The following SPECC1 variants were observed in gnomAD, a reference collection of about 807,000 sequenced individuals.
The protein encoded by SPECC1 is sperm antigen with calponin homology and coiled-coil domains 1, also known as cytospin-B.
SPECC1 carries 62 observed loss-of-function variants against 104.1 expected under a neutral mutation model. The ratio of observed to expected loss-of-function variants is 0.60; its 90% CI spans 0.49 to 0.74. The LOEUF (loss-of-function observed/expected upper bound fraction) is 0.74, where lower values mean the gene tolerates loss of function less well. Ranked by LOEUF, SPECC1 falls within the 30% of genes least tolerant of loss-of-function variation. The probability of loss-of-function intolerance (pLI) is 0.00; values close to 1 mark genes in which losing one functional copy is unlikely to be tolerated. For synonymous variants in SPECC1, 513 were observed against 501.6 expected (o/e 1.02, Z -0.30); for missense variants, 1,306 against 1,310.5 (o/e 1.00, Z 0.05).
intron 1 of SPECC1, among the ~76,000 whole-genome samples, chr17:20,075,463 G>A (rs1394974086): frequency 6.6e-6 from 1 of 152,144 alleles, no homozygotes; most frequent in Non-Finnish European, 1.5e-5. Context: ...TCAGAAATTG[G>A]AGAAAATAGT....
At chr17:20,106,588 T>C (rs1030522618) in intron 2 of SPECC1, among the ~76,000 whole-genome samples, 4 of 152,192 alleles carry the variant, frequency 2.6e-5, no homozygotes, top group Non-Finnish European at 4.4e-5. Flanking sequence ...GTTCTCATGA[T>C]AGTGAATAAG....
intron 3 of SPECC1, among the ~76,000 whole-genome samples, chr17:20,183,414 T>A (rs558412761): frequency 1.3e-5 from 2 of 152,326 alleles, no homozygotes; most frequent in South Asian, 4.1e-4. Context: ...AGGAAAAGTT[T>A]GCTAATTGCA....
intron 3 of SPECC1, among the ~76,000 whole-genome samples, chr17:20,124,074 G>T (rs2049166702): frequency 6.6e-6 from 1 of 152,108 alleles, no homozygotes; most frequent in Non-Finnish European, 1.5e-5. Context: ...CCGGAAGGTG[G>T]GTGGGTCAGT....
chr17:20,110,399 CCT>C lies in SPECC1; in HGVS notation c.148-21_148-20del. On this transcript the variant is annotated intron_variant, in intron 2 of 14. Transcript: ENST00000395527. ...TCCTTCCTGAAAACCACCTCTTCAT[CCT>C]CTCTCTTTCCTTCCAACTCTCTCAG... is the stretch of plus-strand genomic sequence containing the variant. 6 of 1,588,132 alleles carry C rather than the reference CCT, an allele frequency of 3.8e-6. No homozygotes were observed. The South Asian group carries it at 4.5e-5, about 12-fold the overall frequency.
intron 3 of SPECC1, among the ~76,000 whole-genome samples, chr17:20,172,900 T>C (rs1435448094): frequency 6.6e-6 from 1 of 152,186 alleles, no homozygotes; most frequent in Non-Finnish European, 1.5e-5. Context: ...TCCTAGGTGA[T>C]AGGTTGGACT....
At chr17:20,173,250 C>T (rs185714727) in intron 3 of SPECC1, among the ~76,000 whole-genome samples, 1 of 152,140 alleles carries the variant, frequency 6.6e-6, no homozygotes. Context: ...GTTAGCTGAC[C>T]TAAAGGTTTC....
rs151032442 is a variant in SPECC1, at chr17:20,302,493, T to C, written c.3058-3530T>C. On this transcript the variant is annotated intron_variant, in intron 13 of 14. Coordinates refer to ENST00000395527, the MANE Select transcript of SPECC1 (RefSeq NM_001243439.2). ...GTGACAGTGATCAAATGAAAGAGCA[T>C]TGGGATAATAACACTTGGTCACAGA... Among the ~76,000 whole-genome samples the C allele has an allele frequency of 6.8e-3, 1,035 of 152,134 alleles. 10 individuals carry two copies. The highest frequency in any genetic ancestry group is 0.024 in the African/African-American group (977 of 41,534).
intron 3 of SPECC1, chr17:20,155,973 C>T: frequency 1.6e-6 from 2 of 1,261,958 alleles, no homozygotes; most frequent in South Asian, 2.7e-5. Flanking sequence ...AGGGGGCGGG[C>T]CGCGAGGGCG....
At chr17:20,175,612 G>A (rs180795331) in intron 3 of SPECC1, among the ~76,000 whole-genome samples, 3 of 152,290 alleles carry the variant, frequency 2.0e-5, no homozygotes, top group African/African-American at 7.2e-5. Context: ...CTTTTCTGAT[G>A]TGACATTTTC....
intron 3 of SPECC1, among the ~76,000 whole-genome samples, chr17:20,185,851 T>A (rs544068216): frequency 8.5e-5 from 13 of 152,346 alleles, no homozygotes; most frequent in South Asian, 2.1e-4. Flanking sequence ...TTATTTATTT[T>A]TTTTGAGGCA....
At chr17:20,109,375 G>A (rs1009873062) in intron 2 of SPECC1, among the ~76,000 whole-genome samples, 4 of 152,170 alleles carry the variant, frequency 2.6e-5, no homozygotes, top group Admixed American at 6.5e-5. Flanking sequence ...CCAGTCTTCC[G>A]GCACTGTTCC....
At chr17:20,227,293 C>T in intron 4 of SPECC1, 120 bp from the exon 5 acceptor site, 1 of 793,948 alleles carries the variant, frequency 1.3e-6, no homozygotes, top group South Asian at 1.7e-5. Flanking sequence ...TGAAGAGGTT[C>T]ATGTTCAGGT....
At chr17:20,309,815 C>CTTTT (rs763244105) in intron 14 of SPECC1, among the ~76,000 whole-genome samples, 12 of 103,326 alleles carry the variant, frequency 1.2e-4, no homozygotes, top group African/African-American at 3.7e-4. Flanking sequence ...TTCTCCTTTT[C>CTTTT]TTTTTTTTTT....
chr17:20,035,858 A>G lies in SPECC1; in HGVS notation c.-22+26434A>G, dbSNP rs188544261. Among the ~76,000 whole-genome samples the G allele has an allele frequency of 2.0e-3, 298 of 151,680 alleles. 1 individual carries two copies. The highest frequency in any genetic ancestry group is 0.01 in the Middle Eastern group (3 of 290). On this transcript the variant is annotated intron_variant, in intron 1 of 14. Transcript: ENST00000395527. Reference sequence around the variant, plus strand: ...ATTTTGCTTTTTTTTTTTGAGACGGAGTCTCGTTCTCTCACCCAGGCTGGA... The same window carrying G: ...ATTTTGCTTTTTTTTTTTGAGACGGGGTCTCGTTCTCTCACCCAGGCTGGA...
intron 3 of SPECC1, among the ~76,000 whole-genome samples, chr17:20,141,462 G>A (rs920370791): frequency 9.8e-5 from 15 of 152,302 alleles, no homozygotes; most frequent in East Asian, 1.9e-4. Context: ...GATTCAGAGC[G>A]AGGACATGGC....
chr17:20,067,805 CTG>C (rs1244422545), intron 1 of SPECC1, among the ~76,000 whole-genome samples: 1 of 152,112 alleles, frequency 6.6e-6, no homozygotes, highest in Non-Finnish European at 1.5e-5. Flanking sequence ...ATAGTTGGCA[CTG>C]TCAAATTCTA....
chr17:20,037,123 T>C (rs1306793828), intron 1 of SPECC1, among the ~76,000 whole-genome samples: 11 of 152,212 alleles, frequency 7.2e-5, no homozygotes. Context: ...TTTTCAAATG[T>C]TGAACCAGAC....
chr17:20,142,673 G>A (rs954196760), intron 3 of SPECC1, among the ~76,000 whole-genome samples: 13 of 152,094 alleles, frequency 8.5e-5, no homozygotes, highest in Admixed American at 2.0e-4. Flanking sequence ...TTCTTTTATA[G>A]GTACCAAGTT....
Position 20,194,502 on chromosome 17 carries a change from A to ATTATTTTTTTTT in SPECC1, c.284-9829_284-9828insATTTTTTTTTTT. Among the ~76,000 whole-genome samples, 194 of 86,532 alleles carry ATTATTTTTTTTT rather than the reference A, an allele frequency of 2.2e-3. 28 individuals carry two copies. The highest frequency in any genetic ancestry group is 3.1e-3 in the Non-Finnish European group (151 of 48,250). The allele number at this position is 86,532 out of a possible 152,430, so 56.8% of individuals were successfully genotyped here. Reference sequence around the variant, plus strand: ...TGTGTTCTGTTAGAAAAGAGAACGAATTTTTTTTTTTTTTTTTTTTTTTGA... The same window carrying ATTATTTTTTTTT: ...TGTGTTCTGTTAGAAAAGAGAACGAATTATTTTTTTTTTTTTTTTTTTTTTTTTTTTTTTTGA... On this transcript the variant is annotated intron_variant, in intron 3 of 14. Coordinates refer to ENST00000395527, the MANE Select transcript of SPECC1 (RefSeq NM_001243439.2).
Sources: gnomAD v4.1 joint callset for allele counts (sites outside exome capture counted in the v4.1 genomes callset) on GRCh38, gnomAD v4.1.1 for gene constraint, MANE v1.5 for transcripts, NCBI Gene and HGNC (gene_info 2026-07-23, HGNC 2026-07-21) for gene names.